TPD52L1: variants seen among roughly 807,000 people sequenced by gnomAD.
TPD52L1 encodes the protein TPD52 like 1.
TPD52L1 carries 18 observed loss-of-function variants against 28.7 expected under a neutral mutation model. The ratio of observed to expected loss-of-function variants is 0.63; its 90% CI spans 0.43 to 0.93. The LOEUF (loss-of-function observed/expected upper bound fraction) is 0.93. Among genes scored for constraint, TPD52L1 ranks in the 40% least tolerant of loss-of-function variants. The pLI is 0.00. For missense variants in TPD52L1, 203 were observed against 254.8 expected (o/e 0.80, Z 1.39); for synonymous variants, 75 against 88.8 (o/e 0.84, Z 0.88).
At chr6:125,154,125 G>T in intron 1 of TPD52L1, 155 bp downstream of exon 1, 1 of 1,408,032 alleles carries the variant, frequency 7.1e-7, no homozygotes, top group Non-Finnish European at 9.3e-7. Context: ...TATAATGCCT[G>T]CTGCCCAAAC....
At position 125,248,369 on chromosome 6, in the gene TPD52L1, G is replaced by C; in HGVS notation, c.372G>C (p.Lys124Asn). ...FSNVGTAISK[K>N]FGDMSYSIRH... ...ACGTTGGAACGGCCATCAGCAAGAA[G>C]TTCGGAGACATGAGGTACTGTGGGA... is the stretch of plus-strand genomic sequence containing the variant. The change falls in exon 4 of 7, where the codon AAG (lysine) becomes AAC (asparagine). Residue 124 changes from lysine (K) to asparagine (N), a missense_variant. Physicochemically the swap from Lys to Asn is moderately conservative, Grantham distance 94 (BLOSUM62 0). Coordinates refer to ENST00000534000, the MANE Select transcript of TPD52L1 (RefSeq NM_003287.4). The C allele has an allele frequency of 6.2e-7, 1 of 1,614,142 alleles. No individual in the cohort carries two copies. The highest frequency in any genetic ancestry group is 8.5e-7 in the Non-Finnish European group (1 of 1,179,984).
At chr6:125,166,361 T>C (rs1165337977) in intron 1 of TPD52L1, among the ~76,000 whole-genome samples, 4 of 152,214 alleles carry the variant, frequency 2.6e-5, no homozygotes, top group African/African-American at 9.6e-5. Flanking sequence ...CATGGAAAGA[T>C]GGTTTTTCTT....
intron 3 of TPD52L1, among the ~76,000 whole-genome samples, chr6:125,239,636 C>A (rs1796498219): frequency 6.6e-6 from 1 of 151,994 alleles, no homozygotes; most frequent in Admixed American, 6.6e-5. Flanking sequence ...GGGTGGGGAC[C>A]CAGGCAAACC....
At chr6:125,249,339 G>A (rs959508780) in intron 4 of TPD52L1, among the ~76,000 whole-genome samples, 3 of 150,870 alleles carry the variant, frequency 2.0e-5, no homozygotes, top group African/African-American at 4.9e-5. Flanking sequence ...AAATCTCTGC[G>A]TATTTATTTT....
chr6:125,211,653 G>A (rs940518813), intron 1 of TPD52L1, among the ~76,000 whole-genome samples: 1 of 152,176 alleles, frequency 6.6e-6, no homozygotes, highest in East Asian at 1.9e-4. Flanking sequence ...AACTCTTTCA[G>A]CATGTCACGC....
At chr6:125,187,861 G>T (rs1401413170) in intron 1 of TPD52L1, among the ~76,000 whole-genome samples, 1 of 151,376 alleles carries the variant, frequency 6.6e-6, no homozygotes, top group Non-Finnish European at 1.5e-5. Flanking sequence ...ACTTTTATTT[G>T]TAATCCCCCC....
intron 2 of TPD52L1, among the ~76,000 whole-genome samples, chr6:125,221,256 AAATCTTTAGCTGGG>A (rs1795211575): frequency 6.6e-6 from 1 of 152,234 alleles, no homozygotes; most frequent in African/African-American, 2.4e-5. Flanking sequence ...ACAGTGCCTC[AAATCTTTAGCTGGG>A]TCTGTCTGTG....
At chr6:125,156,463 CAAA>C (rs758623258) in intron 1 of TPD52L1, among the ~76,000 whole-genome samples, 2 of 37,220 alleles carry the variant, frequency 5.4e-5, no homozygotes, top group Non-Finnish European at 5.5e-5. Context: ...GACCTTGTCT[CAAA>C]AAAAAAAAAA....
intron 1 of TPD52L1, among the ~76,000 whole-genome samples, chr6:125,167,317 G>T (rs544488291): frequency 1.3e-5 from 2 of 152,016 alleles, no homozygotes; most frequent in South Asian, 2.1e-4. Context: ...GGTGGAAAAC[G>T]CTGATTCCTT....
At position 125,263,851 on chromosome 6, in the gene TPD52L1, C is replaced by G. The variant is rs1798189127; in HGVS notation, c.*889C>G. On this transcript the variant is annotated 3_prime_UTR_variant, in exon 7 of 7. Transcript: ENST00000534000. ...CCTGGGTGACAGAGTGGGACACTGT[C>G]TCCAAAAATAGTAATAATAAGTAGT... 1 of 152,124 alleles carries G rather than the reference C, an allele frequency of 6.6e-6. No homozygotes were observed. Among genetic ancestry groups the G allele is most frequent in the Non-Finnish European group, 1.5e-5 (1 of 68,042 alleles). 9.4% of individuals were successfully genotyped at this position (152,124 alleles called of 1,614,324 possible).
chr6:125,159,394 G>A (rs1790360431), intron 1 of TPD52L1, among the ~76,000 whole-genome samples: 1 of 152,180 alleles, frequency 6.6e-6, no homozygotes, highest in Non-Finnish European at 1.5e-5. Flanking sequence ...GTTTTAGCAT[G>A]AGATTAAAAT....
At chr6:125,179,351 C>T (rs903152535) in intron 1 of TPD52L1, among the ~76,000 whole-genome samples, 34 of 152,220 alleles carry the variant, frequency 2.2e-4, no homozygotes, top group African/African-American at 6.8e-4. Flanking sequence ...AATAGTGCAG[C>T]TCAATGACAT....
At chr6:125,197,469 C>A (rs1224464953) in intron 1 of TPD52L1, among the ~76,000 whole-genome samples, 2 of 151,980 alleles carry the variant, frequency 1.3e-5, no homozygotes, top group Non-Finnish European at 2.9e-5. Context: ...ATTTTGAGTT[C>A]TTTTTCTACC....
intron 1 of TPD52L1, among the ~76,000 whole-genome samples, chr6:125,213,106 T>C (rs1370951507): frequency 6.6e-6 from 1 of 152,168 alleles, no homozygotes. Flanking sequence ...GCTTGGTATG[T>C]ATATGTGCTC....
In TPD52L1 at chr6:125,213,708, CCT is replaced by C. The variant is rs1794667873; in HGVS notation, c.20-6365_20-6364del. On this transcript the variant is annotated intron_variant, in intron 1 of 6. Coordinates refer to ENST00000534000, the MANE Select transcript of TPD52L1 (RefSeq NM_003287.4). ...GAGTTGGAGAATTAAACACGAGGGG[CCT>C]CTCTGTCCAACACCCCTGGACCTGC... Among the ~76,000 whole-genome samples, 4 of 152,230 alleles carry C rather than the reference CCT, an allele frequency of 2.6e-5. No homozygotes were observed. The South Asian group carries it at 8.3e-4, about 32-fold the overall frequency.
At chr6:125,155,277 G>A (rs2114719241) in intron 1 of TPD52L1, among the ~76,000 whole-genome samples, 1 of 152,336 alleles carries the variant, frequency 6.6e-6, no homozygotes, top group East Asian at 1.9e-4. Context: ...TTTCCAACCT[G>A]ACTTGCATAT....
chr6:125,162,453 G>A (rs1193453820), intron 1 of TPD52L1, among the ~76,000 whole-genome samples: 1 of 152,080 alleles, frequency 6.6e-6, no homozygotes, highest in African/African-American at 2.4e-5. Flanking sequence ...GTGCTACTTA[G>A]TAATTTATAG....
intron 5 of TPD52L1, among the ~76,000 whole-genome samples, chr6:125,256,033 A>G (rs1797574841): frequency 6.6e-6 from 1 of 152,206 alleles, no homozygotes; most frequent in Admixed American, 6.5e-5. Context: ...ATTATTTAAT[A>G]CAATGAATGA....
chr6:125,255,693 G>T (rs182600022), intron 5 of TPD52L1, among the ~76,000 whole-genome samples: 16 of 150,338 alleles, frequency 1.1e-4, no homozygotes, highest in Admixed American at 1.1e-3. Context: ...TTCTATAGCT[G>T]TTCTCCTTTA....
Sources: allele counts gnomAD v4.1 joint callset (sites outside exome capture counted in the v4.1 genomes callset), GRCh38; gene constraint gnomAD v4.1.1; transcripts MANE v1.5; gene names NCBI Gene and HGNC (gene_info 2026-07-23, HGNC 2026-07-21).